The following TP63 variants were observed in gnomAD, a reference collection of about 807,000 sequenced individuals.
TP63 encodes the protein tumor protein 63.
TP63 carries 17 observed loss-of-function variants against 82.8 expected under a neutral mutation model. That is an observed-to-expected ratio of 0.21 (90% CI 0.14 to 0.31). The LOEUF is 0.31. Among genes scored for constraint, TP63 ranks in the 10% least tolerant of loss-of-function variants. The pLI is 1.00. For synonymous variants in TP63, 330 were observed against 321.7 expected, an observed-to-expected ratio of 1.03 and a Z score of -0.28; for missense variants, 648 against 895.3, an observed-to-expected ratio of 0.72 and a Z score of 3.52.
chr3:189,756,053 G>C (rs1722165684), intron 3 of TP63, among the ~76,000 whole-genome samples: 1 of 152,096 alleles, frequency 6.6e-6, no homozygotes, highest in African/African-American at 2.4e-5. Flanking sequence ...GCTAGACAAA[G>C]TCTATTTCGA....
chr3:189,773,953 C>T (rs1003585057), intron 3 of TP63, among the ~76,000 whole-genome samples: 18 of 128,494 alleles, frequency 1.4e-4, no homozygotes, highest in African/African-American at 1.8e-4. Context: ...GACGGAGTCT[C>T]GCTCTGTCAC....
chr3:189,853,335 A>G (rs1415893329), intron 4 of TP63, among the ~76,000 whole-genome samples: 4 of 152,168 alleles, frequency 2.6e-5, no homozygotes, highest in African/African-American at 9.7e-5. Context: ...GTCCTGCTCT[A>G]CAAGGCCTTG....
chr3:189,714,510 C>T (rs919625702), intron 1 of TP63, among the ~76,000 whole-genome samples: 5 of 152,104 alleles, frequency 3.3e-5, no homozygotes, highest in African/African-American at 4.8e-5. Context: ...ACCAATTATG[C>T]GGAAATTTTG....
chr3:189,847,314 C>T (rs1397649798), intron 4 of TP63, among the ~76,000 whole-genome samples: 1 of 152,174 alleles, frequency 6.6e-6, no homozygotes, highest in East Asian at 1.9e-4. Context: ...GCTGAGATTG[C>T]ACCATTGCAC....
At chr3:189,880,509 A>G (rs1719799448) in intron 10 of TP63, 2 of 1,005,898 alleles carry the variant, frequency 2.0e-6, no homozygotes, top group Admixed American at 5.9e-5. Flanking sequence ...TAAGATGTTT[A>G]TTGGAACCCT....
intron 12 of TP63, 67 bp downstream of exon 12, chr3:189,889,551 T>A (rs1720807473): frequency 6.2e-7 from 1 of 1,605,850 alleles, no homozygotes; most frequent in Admixed American, 1.7e-5. Context: ...GGGCGGATAC[T>A]GTTATAGTCC....
intron 1 of TP63, among the ~76,000 whole-genome samples, chr3:189,684,619 G>C (rs1716271793): frequency 6.8e-6 from 1 of 146,310 alleles, no homozygotes; most frequent in African/African-American, 2.5e-5. Context: ...CATTTCTTAT[G>C]TTTTCTTTCT....
intron 9 of TP63, among the ~76,000 whole-genome samples, chr3:189,870,086 A>T (rs543135647): frequency 6.6e-6 from 1 of 152,304 alleles, no homozygotes; most frequent in South Asian, 2.1e-4. Context: ...ATTATTTGAG[A>T]ATGATAAGAT....
chr3:189,776,278 A>T (rs1203600202), intron 3 of TP63, among the ~76,000 whole-genome samples: 1 of 152,168 alleles, frequency 6.6e-6, no homozygotes, highest in Non-Finnish European at 1.5e-5. Flanking sequence ...TCATTACAAT[A>T]AGCCCGACAT....
chr3:189,808,162 C>A (rs1197191825), intron 3 of TP63, 110 bp from the exon 4 acceptor site: 2 of 1,579,506 alleles, frequency 1.3e-6, no homozygotes, highest in Admixed American at 3.4e-5. Context: ...TGAAGTGCTT[C>A]CGACGTGAGG....
At position 189,875,609 on chromosome 3, in the gene TP63, T is replaced by TATATATATATAC. The variant is rs1179610451; in HGVS notation, c.1349+2625_1349+2626insCATATATATATA. On this transcript the variant is annotated intron_variant, in intron 10 of 13. Coordinates refer to ENST00000264731, the MANE Select transcript of TP63 (RefSeq NM_003722.5). ...AAATACATACATATATATATATATA[T>TATATATATATAC]ATATATATATATATATATATATATA... Among the ~76,000 whole-genome samples, 144 of 62,986 alleles carry TATATATATATAC rather than the reference T, an allele frequency of 2.3e-3. 11 individuals are homozygous for TATATATATATAC. Among genetic ancestry groups the TATATATATATAC allele is most frequent in the African/African-American group, 7.8e-3 (142 of 18,260 alleles). The allele number at this position is 62,986 out of a possible 152,430, so 41.3% of individuals were successfully genotyped here. A position where few individuals can be genotyped will look rare whatever the true frequency, so the allele number is the denominator to read the frequency against.
intron 3 of TP63, among the ~76,000 whole-genome samples, chr3:189,764,793 C>T (rs1722818198): frequency 6.6e-6 from 1 of 152,086 alleles, no homozygotes; most frequent in African/African-American, 2.4e-5. Flanking sequence ...AGAAAGAGCC[C>T]AGGTATTTTA....
chr3:189,806,875 C>G (rs1376511394), intron 3 of TP63, among the ~76,000 whole-genome samples: 6 of 151,716 alleles, frequency 4.0e-5, no homozygotes, highest in Admixed American at 6.6e-5. Flanking sequence ...TTCTCCTCCC[C>G]CTGTGGAAAA....
intron 4 of TP63, among the ~76,000 whole-genome samples, chr3:189,831,382 G>A (rs1281109515): frequency 6.6e-6 from 1 of 152,042 alleles, no homozygotes; most frequent in Non-Finnish European, 1.5e-5. Flanking sequence ...TTTGCTGTGA[G>A]GGTATTTCTT....
At chr3:189,654,070 G>A (rs1368173310) in intron 1 of TP63, among the ~76,000 whole-genome samples, 1 of 152,068 alleles carries the variant, frequency 6.6e-6, no homozygotes, top group African/African-American at 2.4e-5. Context: ...AGTAAATACT[G>A]TATACCTAGT....
chr3:189,613,419 T>C, the TP63 span, among the ~76,000 whole-genome samples: 4 of 152,222 alleles, frequency 2.6e-5, no homozygotes, highest in South Asian at 2.1e-4. Flanking sequence ...TTTGGGAACC[T>C]CCACCTAGAG....
At chr3:189,640,013 A>G (rs949494915) in intron 1 of TP63, among the ~76,000 whole-genome samples, 2 of 152,108 alleles carry the variant, frequency 1.3e-5, no homozygotes, top group African/African-American at 2.4e-5. Flanking sequence ...TTTGAAATTC[A>G]TCATTAGCTT....
intron 11 of TP63, among the ~76,000 whole-genome samples, chr3:189,887,494 C>T (rs1720576258): frequency 6.6e-6 from 1 of 152,056 alleles, no homozygotes; most frequent in Admixed American, 6.6e-5. Context: ...GAAAAAGGCA[C>T]TGTAAGAATT....
chr3:189,664,604 A>T (rs1251251365), intron 1 of TP63, among the ~76,000 whole-genome samples: 5 of 151,864 alleles, frequency 3.3e-5, no homozygotes, highest in African/African-American at 7.3e-5. Flanking sequence ...TTCAGTTTTT[A>T]TTTTTTTTCC....
Sources: allele counts gnomAD v4.1 joint callset (sites outside exome capture counted in the v4.1 genomes callset), GRCh38; gene constraint gnomAD v4.1.1; transcripts MANE v1.5; gene names NCBI Gene and HGNC (gene_info 2026-07-23, HGNC 2026-07-21).